AP3B1: variants seen among roughly 807,000 people sequenced by gnomAD.
The protein encoded by AP3B1 is AP-3 complex subunit beta-1.
A neutral mutation model predicts 132.5 loss-of-function variants in AP3B1; 61 were observed. That is an observed-to-expected ratio of 0.46 (90% CI 0.37 to 0.57). The LOEUF (loss-of-function observed/expected upper bound fraction) is 0.57. Ranked by LOEUF, AP3B1 falls within the 20% of genes least tolerant of loss-of-function variation. The pLI is 0.00. For missense variants in AP3B1, 1,120 were observed against 1,289.4 expected (o/e 0.87, Z 2.01); for synonymous variants, 388 against 438.3 (o/e 0.89, Z 1.43).
At chr5:78,198,525 A>G (rs1745161113) in intron 7 of AP3B1, among the ~76,000 whole-genome samples, 1 of 152,172 alleles carries the variant, frequency 6.6e-6, no homozygotes, top group Non-Finnish European at 1.5e-5. Context: ...TAATCCCATT[A>G]TGAGGTCCCC....
At chr5:78,078,160 T>G (rs1023494485) in intron 22 of AP3B1, among the ~76,000 whole-genome samples, 1 of 152,222 alleles carries the variant, frequency 6.6e-6, no homozygotes, top group Non-Finnish European at 1.5e-5. Flanking sequence ...TCTAACTTGA[T>G]GTTCCAAAAG....
chr5:78,183,640 T>C (rs1744465886), intron 7 of AP3B1, among the ~76,000 whole-genome samples: 1 of 152,012 alleles, frequency 6.6e-6, no homozygotes, highest in South Asian at 2.1e-4. Flanking sequence ...GAGGCCGAGG[T>C]GGGCAGATCA....
In AP3B1 at chr5:78,175,691, A is replaced by G; in HGVS notation, c.1102T>C (p.Phe368Leu). Residue 368 changes from phenylalanine to leucine, a missense_variant, in exon 11 of 27, where the codon TTT becomes CTT. Physicochemically the swap from Phe to Leu is conservative, Grantham distance 22. Coordinates refer to ENST00000255194, the MANE Select transcript of AP3B1 (RefSeq NM_003664.5). ...ATMSIQRKGMFEPYLKSFYVR... is the reference protein window; with the variant it reads ...ATMSIQRKGMLEPYLKSFYVR... ...TAGAAACTCTTCAGATAAGGTTCAA[A>G]CATCCCCTGGATTACAAAAATAAAT... is the stretch of plus-strand genomic sequence containing the variant. 1 of 1,613,398 alleles carries G rather than the reference A, an allele frequency of 6.2e-7. No individual in the cohort carries two copies. Among genetic ancestry groups the G allele is most frequent in the Non-Finnish European group, 8.5e-7 (1 of 1,179,498 alleles).
Position 78,128,062 on chromosome 5 carries a change from G to C in AP3B1, c.1936C>G (p.Pro646Ala). The change falls in exon 17 of 27, where the codon CCA becomes GCA. Residue 646 changes from proline (P) to alanine (A), a missense_variant. Pro to Ala is a conservative substitution (Grantham distance 27, BLOSUM62 -1). Coordinates refer to ENST00000255194, the MANE Select transcript of AP3B1 (RefSeq NM_003664.5). Reference sequence around the variant, plus strand: ...ATTACTTCTACATTTCGAACTGATGGGTCGGGCGCCACCTCTGGCCAATTA... The same window carrying C: ...ATTACTTCTACATTTCGAACTGATGCGTCGGGCGCCACCTCTGGCCAATTA... ...LSNWPEVAPD[P>A]SVRNVEVIEL... is the part of the protein sequence containing the mutation. 6.2e-7 allele frequency: 1 copy of C among 1,613,270 alleles called. No individual in the cohort carries two copies. Among genetic ancestry groups the C allele is most frequent in the Non-Finnish European group, 8.5e-7 (1 of 1,179,376 alleles).
At chr5:78,096,357 G>A (rs188878085) in intron 21 of AP3B1, among the ~76,000 whole-genome samples, 3,047 of 152,140 alleles carry the variant, frequency 0.02, 86 homozygotes, top group African/African-American at 0.06. Flanking sequence ...ATCTTGGCTC[G>A]CTACAACCTC....
Position 78,290,992 on chromosome 5 carries a change from T to C in AP3B1, c.128+3460A>G, listed in dbSNP as rs148875579. ...GTACAAAAATAAGTTCTTTACATTT[T>C]AAATAAAGAAATTGAAAATCTTGAA... On this transcript the variant is annotated intron_variant, in intron 1 of 26. Coordinates refer to ENST00000255194, the MANE Select transcript of AP3B1 (RefSeq NM_003664.5). Among the ~76,000 whole-genome samples, 379 of 152,252 alleles carry C rather than the reference T, an allele frequency of 2.5e-3. 5 individuals carry two copies. Among genetic ancestry groups the C allele is most frequent in the African/African-American group, 8.9e-3 (370 of 41,546 alleles).
At chr5:78,231,789 CTG>C (rs981090346) in intron 3 of AP3B1, among the ~76,000 whole-genome samples, 4 of 152,194 alleles carry the variant, frequency 2.6e-5, no homozygotes, top group African/African-American at 9.7e-5. Context: ...ATGTCAGACA[CTG>C]TTCTAAATGT....
At chr5:78,261,881 A>C (rs2112554124) in intron 2 of AP3B1, among the ~76,000 whole-genome samples, 1 of 152,158 alleles carries the variant, frequency 6.6e-6, no homozygotes, top group Middle Eastern at 3.4e-3. Context: ...CCTCCCGAGC[A>C]GCTGGGATTA....
chr5:78,077,905 G>A (rs115842031), intron 22 of AP3B1, among the ~76,000 whole-genome samples: 1,712 of 152,146 alleles, frequency 0.011, 28 homozygotes, highest in African/African-American at 0.038. Flanking sequence ...TTCTTTCACT[G>A]CTTTTATTTG....
intron 22 of AP3B1, among the ~76,000 whole-genome samples, chr5:78,045,933 G>C (rs1055706829): frequency 3.3e-5 from 5 of 152,150 alleles, no homozygotes; most frequent in African/African-American, 1.2e-4. Flanking sequence ...AGTATCACTG[G>C]AACACAACCA....
chr5:78,250,310 A>G (rs1184805098), intron 2 of AP3B1, among the ~76,000 whole-genome samples: 1 of 152,204 alleles, frequency 6.6e-6, no homozygotes, highest in Non-Finnish European at 1.5e-5. Flanking sequence ...AAGAAAAATA[A>G]AGGAAAAAAC....
chr5:78,253,967 A>AG (rs1291749409), intron 2 of AP3B1, among the ~76,000 whole-genome samples: 3 of 152,062 alleles, frequency 2.0e-5, no homozygotes, highest in African/African-American at 7.2e-5. Flanking sequence ...CAAAAAAAAA[A>AG]AAAAAAGAAT....
At chr5:78,036,990 CATTCA>C (rs773636161) in intron 23 of AP3B1, among the ~76,000 whole-genome samples, 10 of 152,080 alleles carry the variant, frequency 6.6e-5, no homozygotes, top group Non-Finnish European at 1.2e-4. Context: ...ATCTTGAAGG[CATTCA>C]ATAAATGCCA....
rs1222062511 is a variant in AP3B1 at position 78,294,481 on chromosome 5, G to A, written c.99C>T (p.Ala33=). The change falls in exon 1 of 27, where the codon GCC becomes GCT. Residue 33 remains alanine (A), a synonymous_variant. Coordinates refer to ENST00000255194, the MANE Select transcript of AP3B1 (RefSeq NM_003664.5). The stretch of plus-strand genomic sequence containing the variant: ...TCAAATCGCTGCTAAAGAGGCCGAA[G>A]GCCCCCGAGGGGGAAATGGTTGAGG... ...EATSTISPSG[A]FGLFSSDLKK... The A allele has an allele frequency of 1.2e-6, 2 of 1,614,116 alleles. No individual in the cohort carries two copies. Among genetic ancestry groups the A allele is most frequent in the African/African-American group, 1.3e-5 (1 of 74,944 alleles).
chr5:78,177,850 GAGA>G (rs1216706867), intron 8 of AP3B1, among the ~76,000 whole-genome samples: 2 of 152,186 alleles, frequency 1.3e-5, no homozygotes, highest in Non-Finnish European at 1.5e-5. Context: ...AGCCAGGAAA[GAGA>G]AGGTTTCTCC....
chr5:78,099,413 C>CA (rs1751037037), intron 21 of AP3B1, among the ~76,000 whole-genome samples: 1 of 152,096 alleles, frequency 6.6e-6, no homozygotes, highest in Admixed American at 6.6e-5. Flanking sequence ...TGCATAAAAA[C>CA]AGAGTAGGAT....
At chr5:78,205,464 T>C (rs916709585) in intron 7 of AP3B1, among the ~76,000 whole-genome samples, 2 of 151,700 alleles carry the variant, frequency 1.3e-5, no homozygotes, top group Non-Finnish European at 1.5e-5. Flanking sequence ...CGCACACAAA[T>C]ATATATTTTT....
At position 78,023,439 on chromosome 5, in the gene AP3B1, C is replaced by CAAGAAAAGAAAAGAA. The variant is rs58834256; in HGVS notation, c.2895-2665_2895-2651dup. On this transcript the variant is annotated intron_variant, in intron 24 of 26. Transcript: ENST00000255194. ...CCTAGGTGATAGAGTGAGACCCCAT[C>CAAGAAAAGAAAAGAA]AAGAAAAGAAAAGAAAAGAAAAGAA... 7.9e-3 allele frequency among the ~76,000 whole-genome samples: 1,169 copies of CAAGAAAAGAAAAGAA among 148,618 alleles called. 14 individuals carry two copies. The highest frequency in any genetic ancestry group is 0.023 in the African/African-American group (911 of 40,118).
intron 2 of AP3B1, among the ~76,000 whole-genome samples, chr5:78,262,424 CA>C (rs1349902984): frequency 1.3e-5 from 2 of 152,130 alleles, no homozygotes; most frequent in African/African-American, 4.8e-5. Context: ...GAAAGAAATC[CA>C]ACACCATTTT....
Sources: gnomAD v4.1 joint callset for allele counts (sites outside exome capture counted in the v4.1 genomes callset) on GRCh38, gnomAD v4.1.1 for gene constraint, MANE v1.5 for transcripts, NCBI Gene and HGNC (gene_info 2026-07-23, HGNC 2026-07-21) for gene names.